The following TRPC5 variants were observed in gnomAD, a reference collection of about 807,000 sequenced individuals.
TRPC5 encodes transient receptor potential cation channel subfamily C member 5, also known as short transient receptor potential channel 5.
A neutral mutation model predicts 56.5 loss-of-function variants in TRPC5; 9 were observed. The ratio of observed to expected loss-of-function variants is 0.16; its 90% CI spans 0.10 to 0.28. The LOEUF (loss-of-function observed/expected upper bound fraction) is 0.28. Ranked by LOEUF, TRPC5 falls within the 10% of genes least tolerant of loss-of-function variation. TRPC5 has a pLI of 1.00. For synonymous variants in TRPC5, 282 were observed against 278.5 expected, an observed-to-expected ratio of 1.01 and a Z score of -0.13; for missense variants, 469 against 748.9, an observed-to-expected ratio of 0.63 and a Z score of 4.36.
At chrX:111,779,166 C>T in intron 9 of TRPC5, 92 bp from the exon 10 acceptor site, 1 of 567,523 alleles carries the variant, frequency 1.8e-6, no homozygotes, top group Non-Finnish European at 2.6e-6. Flanking sequence ...CATGCTTAGA[C>T]CTTCTTTGCA....
intron 2 of TRPC5, among the ~76,000 whole-genome samples, chrX:111,946,425 G>A (rs772830174): frequency 9.0e-6 from 1 of 111,648 alleles, no homozygotes; most frequent in Admixed American, 9.5e-5. Flanking sequence ...CTTTCTTCCT[G>A]ACTGGCAGAG....
chrX:111,920,168 G>A (rs994816138), intron 2 of TRPC5, among the ~76,000 whole-genome samples: 1 of 111,077 alleles, frequency 9.0e-6, no homozygotes, highest in Non-Finnish European at 1.9e-5. Context: ...CCATCTACTC[G>A]GGAGGCTGAG....
chrX:111,773,155 A>G lies in TRPC5; in HGVS notation c.*3158T>C, dbSNP rs1057456167. Reference sequence around the variant, plus strand: ...GAACAGGGAATTTTTTAATATCTCCATGTCAGTAGACAGAAGCGTAACTTG... The same window carrying G: ...GAACAGGGAATTTTTTAATATCTCCGTGTCAGTAGACAGAAGCGTAACTTG... On this transcript the variant is annotated 3_prime_UTR_variant, in exon 11 of 11. Transcript: ENST00000262839. 3.6e-5 allele frequency among the ~76,000 whole-genome samples: 4 copies of G among 112,238 alleles called. No homozygotes were observed. The highest frequency in any genetic ancestry group is 5.6e-5 in the Non-Finnish European group (3 of 53,296).
chrX:111,931,934 G>A (rs1187320260), intron 2 of TRPC5, among the ~76,000 whole-genome samples: 2 of 111,940 alleles, frequency 1.8e-5, no homozygotes, highest in African/African-American at 6.5e-5. Context: ...CCCAAAGTGT[G>A]TTTGCTAATA....
At chrX:111,782,173 G>T in intron 7 of TRPC5, 35 bp from the exon 8 acceptor site, 1 of 1,134,344 alleles carries the variant, frequency 8.8e-7, no homozygotes, top group East Asian at 3.0e-5. Context: ...GATTTGGGAT[G>T]GGAAACTGCA....
At chrX:112,017,814 G>A (rs941069024) in intron 1 of TRPC5, among the ~76,000 whole-genome samples, 5 of 109,946 alleles carry the variant, frequency 4.5e-5, no homozygotes, top group Non-Finnish European at 9.4e-5. Flanking sequence ...CTAGAACACC[G>A]TTTTACCTGC....
intron 7 of TRPC5, among the ~76,000 whole-genome samples, chrX:111,790,964 G>A (rs1023676945): frequency 1.1e-5 from 1 of 89,346 alleles, no homozygotes; most frequent in Non-Finnish European, 2.1e-5. Context: ...AGGTTGCAGT[G>A]AGCCAAGATT....
intron 2 of TRPC5, among the ~76,000 whole-genome samples, chrX:111,938,573 T>C: frequency 9.0e-6 from 1 of 111,484 alleles, no homozygotes; most frequent in East Asian, 2.8e-4. Context: ...TTGAATTTTG[T>C]CAAAGGCCTT....
rs764690836 is a variant in TRPC5, at chrX:111,928,336, T to C, written c.379-15524A>G. On this transcript the variant is annotated intron_variant, in intron 2 of 10. Transcript: ENST00000262839. ...ACTTATGCTCATCATGTTAACATCA[T>C]TCAACTGCAAGCAAGTTCTTTCCAA... is the stretch of plus-strand genomic sequence containing the variant. Among the ~76,000 whole-genome samples, 11 of 112,176 alleles carry C rather than the reference T, an allele frequency of 9.8e-5. 1 individual carries two copies. In the South Asian group the frequency reaches 1.1e-3, roughly 11 times the overall value.
intron 2 of TRPC5, among the ~76,000 whole-genome samples, chrX:111,951,711 A>G (rs1927091382): frequency 8.9e-6 from 1 of 111,854 alleles, no homozygotes; most frequent in Non-Finnish European, 1.9e-5. Flanking sequence ...ATAACCTTTG[A>G]GTAGAGGAGG....
At chrX:112,022,221 A>G (rs1212262419) in intron 1 of TRPC5, among the ~76,000 whole-genome samples, 1 of 112,377 alleles carries the variant, frequency 8.9e-6, no homozygotes. Context: ...TGTTTTTCCC[A>G]ATCTTATATC....
At chrX:111,800,070 T>C (rs1921254986) in intron 7 of TRPC5, among the ~76,000 whole-genome samples, 1 of 111,345 alleles carries the variant, frequency 9.0e-6, no homozygotes, top group African/African-American at 3.3e-5. Context: ...TGGTACCATA[T>C]AGAAAAATTT....
chrX:111,893,319 G>T (rs1304845994), intron 3 of TRPC5, among the ~76,000 whole-genome samples: 1 of 110,983 alleles, frequency 9.0e-6, no homozygotes, highest in Non-Finnish European at 1.9e-5. Context: ...AATCTTTCTA[G>T]AAGTATTACA....
intron 1 of TRPC5, among the ~76,000 whole-genome samples, chrX:112,020,947 C>A (rs1208377375): frequency 1.9e-5 from 2 of 108,082 alleles, no homozygotes; most frequent in Non-Finnish European, 3.8e-5. Context: ...GGATATTTAT[C>A]TAGTTGCCTG....
chrX:111,872,090 A>C (rs1008416120), intron 3 of TRPC5, among the ~76,000 whole-genome samples: 1 of 112,334 alleles, frequency 8.9e-6, no homozygotes, highest in African/African-American at 3.2e-5. Flanking sequence ...CTCTCCAGAA[A>C]CCAGGGCCAT....
intron 1 of TRPC5, among the ~76,000 whole-genome samples, chrX:112,002,114 C>T (rs887593789): frequency 8.1e-5 from 9 of 111,172 alleles, no homozygotes; most frequent in African/African-American, 3.0e-4. Context: ...ACATTTTTTT[C>T]TTCAAACAGT....
At chrX:111,979,422 T>G (rs1603128455) in intron 1 of TRPC5, among the ~76,000 whole-genome samples, 1 of 111,314 alleles carries the variant, frequency 9.0e-6, no homozygotes, top group African/African-American at 3.3e-5. Flanking sequence ...CAATGATTTC[T>G]TCGATATAAC....
chrX:111,827,236 C>A (rs1210780895), intron 7 of TRPC5, among the ~76,000 whole-genome samples: 2 of 111,325 alleles, frequency 1.8e-5, no homozygotes, highest in Admixed American at 1.9e-4. Context: ...TATTGGAGTG[C>A]CCCAGACTTC....
At chrX:111,779,114 T>A in intron 9 of TRPC5, 40 bp from the exon 10 acceptor site, 1 of 978,959 alleles carries the variant, frequency 1.0e-6, no homozygotes, top group Non-Finnish European at 1.4e-6. Context: ...AGTCTCCTTC[T>A]CAGGCTCTCA....
Sources: gnomAD v4.1 joint callset for allele counts (sites outside exome capture counted in the v4.1 genomes callset) on GRCh38, gnomAD v4.1.1 for gene constraint, MANE v1.5 for transcripts, NCBI Gene and HGNC (gene_info 2026-07-23, HGNC 2026-07-21) for gene names.